The following NLRP11 variants were observed in gnomAD, a reference collection of about 807,000 sequenced individuals.
NLRP11 encodes the protein NLR family pyrin domain containing 11.
Under a neutral mutation model 79.3 loss-of-function variants are expected in NLRP11, and 53 were observed. The ratio of observed to expected loss-of-function variants is 0.67; its 90% confidence interval spans 0.54 to 0.84. The LOEUF is 0.84. Among genes scored for constraint, NLRP11 ranks in the 40% least tolerant of loss-of-function variants. The probability of loss-of-function intolerance (pLI) is 0.00; values close to 1 mark genes in which losing one functional copy is unlikely to be tolerated. For missense variants in NLRP11, 1,264 were observed against 1,255.0 expected, an observed-to-expected ratio of 1.01 and a Z score of -0.11; for synonymous variants, 518 against 462.6, an observed-to-expected ratio of 1.12 and a Z score of -1.54.
chr19:55,789,927 C>G (rs563490954), intron 7 of NLRP11, among the ~76,000 whole-genome samples: 2 of 152,196 alleles, frequency 1.3e-5, no homozygotes, highest in Non-Finnish European at 2.9e-5. Flanking sequence ...TTTCCATTCA[C>G]GTCTCCCCCA....
chr19:55,795,798 T>A lies in NLRP11; in HGVS notation c.2342+282A>T, dbSNP rs534369024. ...CCACCGCGTCCGGCCGTGACCACCATTTTTAACTCTTATCTCCAAAGATGT... is the reference window on the plus strand; with the variant it reads ...CCACCGCGTCCGGCCGTGACCACCAATTTTAACTCTTATCTCCAAAGATGT... On this transcript the variant is annotated intron_variant, in intron 6 of 9. Coordinates refer to ENST00000589093, the Ensembl canonical transcript of NLRP11. 2.6e-5 allele frequency among the ~76,000 whole-genome samples: 4 copies of A among 152,256 alleles called. No homozygotes were observed. The East Asian group carries it at 7.7e-4, about 29-fold the overall frequency.
intron 6 of NLRP11, among the ~76,000 whole-genome samples, 190 bp from the exon 7 acceptor site, chr19:55,792,661 A>G (rs1445991991): frequency 6.6e-6 from 1 of 152,212 alleles, no homozygotes; most frequent in Non-Finnish European, 1.5e-5. Flanking sequence ...TGAAATACAG[A>G]ATGGATGATG....
chr19:55,793,073 TCTCA>T (rs1435964265), intron 6 of NLRP11, among the ~76,000 whole-genome samples: 2 of 151,960 alleles, frequency 1.3e-5, no homozygotes, highest in Non-Finnish European at 2.9e-5. Context: ...GAGATGGGGG[TCTCA>T]CTGTGTTGCC....
chr19:55,793,281 G>A (rs1978459598), intron 6 of NLRP11, among the ~76,000 whole-genome samples: 1 of 152,034 alleles, frequency 6.6e-6, no homozygotes, highest in Admixed American at 6.6e-5. Context: ...TAAAAAGTTG[G>A]AAATAGGCCG....
At chr19:55,792,433 G>A (rs774732364) in exon 7 of NLRP11, 4 of 1,613,962 alleles carry the variant, frequency 2.5e-6, no homozygotes, top group Admixed American at 1.7e-5. Flanking sequence ...TCTTCCAAGG[G>A]CGCTGCAGCA....
intron 2 of NLRP11, among the ~76,000 whole-genome samples, chr19:55,816,468 G>T (rs1022354170): frequency 5.9e-5 from 9 of 152,096 alleles, no homozygotes; most frequent in East Asian, 1.9e-4. Context: ...CATGATCTTG[G>T]TAAGTTCTCT....
intron 5 of NLRP11, among the ~76,000 whole-genome samples, chr19:55,797,280 C>T (rs966628610): frequency 6.6e-6 from 1 of 151,736 alleles, no homozygotes; most frequent in Admixed American, 6.6e-5. Flanking sequence ...GCCTGGACAA[C>T]TGAGCAAGAC....
At chr19:55,796,780 G>A (rs938325350) in intron 5 of NLRP11, among the ~76,000 whole-genome samples, 5 of 151,588 alleles carry the variant, frequency 3.3e-5, no homozygotes, top group East Asian at 1.9e-4. Flanking sequence ...TCTGCCTCCC[G>A]GGTTTTTAAG....
At chr19:55,823,606 C>T (rs575623824) in intron 1 of NLRP11, among the ~76,000 whole-genome samples, 4,247 of 144,200 alleles carry the variant, frequency 0.029, 132 homozygotes, top group Non-Finnish European at 0.046. Context: ...TCGAGAACTA[C>T]GTGAAGAATG....
At chr19:55,836,087 G>A (rs573033876), upstream of NLRP11, among the ~76,000 whole-genome samples, 6 of 152,346 alleles carry the variant, frequency 3.9e-5, no homozygotes, top group South Asian at 1.0e-3. Flanking sequence ...TGACGCCACT[G>A]CACTCCAGCC....
At chr19:55,814,445 C>T (rs747609780) in intron 2 of NLRP11, among the ~76,000 whole-genome samples, 5 of 152,114 alleles carry the variant, frequency 3.3e-5, no homozygotes, top group Admixed American at 2.6e-4. Context: ...AATTGTCTTC[C>T]GTGAAACTGG....
intron 4 of NLRP11, among the ~76,000 whole-genome samples, chr19:55,806,042 G>A (rs186653851): frequency 7.2e-5 from 11 of 152,260 alleles, no homozygotes; most frequent in African/African-American, 1.4e-4. Flanking sequence ...ACTGGGATCC[G>A]AGGATACCAC....
At chr19:55,785,897 C>A (rs756170921) in intron 9 of NLRP11, 26 bp from the exon 10 acceptor site, 7 of 1,603,242 alleles carry the variant, frequency 4.4e-6, no homozygotes, top group African/African-American at 4.0e-5. Context: ...GAGAGAACGC[C>A]GTTAATGCTA....
At chr19:55,827,967 G>T (rs1240416532) in intron 1 of NLRP11, among the ~76,000 whole-genome samples, 1 of 151,888 alleles carries the variant, frequency 6.6e-6, no homozygotes, top group African/African-American at 2.4e-5. Flanking sequence ...ACATGCACAA[G>T]TATGTTTACT....
chr19:55,817,515 G>C (rs901025876), intron 2 of NLRP11, among the ~76,000 whole-genome samples: 1 of 152,032 alleles, frequency 6.6e-6, no homozygotes, highest in African/African-American at 2.4e-5. Flanking sequence ...CGAAATAATA[G>C]CATTTGCAGC....
intron 8 of NLRP11, 53 bp downstream of exon 8, chr19:55,789,176 T>C: frequency 6.5e-7 from 1 of 1,542,936 alleles, no homozygotes; most frequent in Non-Finnish European, 8.8e-7. Context: ...TCTTGTGCTT[T>C]TCTTCAGCTG....
chr19:55,824,444 C>T (rs938583650), intron 1 of NLRP11, among the ~76,000 whole-genome samples: 1 of 141,422 alleles, frequency 7.1e-6, no homozygotes, highest in Non-Finnish European at 1.5e-5. Context: ...GGACTAAATT[C>T]TCCAATTAAA....
At chr19:55,810,185 T>C (rs1355784218) in exon 3 of NLRP11, 1 of 1,614,064 alleles carries the variant, frequency 6.2e-7, no homozygotes, top group African/African-American at 1.3e-5. Context: ...GTTTGCTGAA[T>C]AATAGCTGGT....
intron 1 of NLRP11, among the ~76,000 whole-genome samples, chr19:55,831,270 T>C (rs1299568097): frequency 6.6e-6 from 1 of 151,380 alleles, no homozygotes. Flanking sequence ...AACATTAAAA[T>C]AGAGCTCAGG....
Sources: allele counts gnomAD v4.1 joint callset (sites outside exome capture counted in the v4.1 genomes callset), GRCh38; gene constraint gnomAD v4.1.1; transcripts MANE v1.5; gene names NCBI Gene and HGNC (gene_info 2026-07-23, HGNC 2026-07-21).